The following SARDH variants were observed in gnomAD, a reference collection of about 807,000 sequenced individuals.
SARDH encodes sarcosine dehydrogenase.
A neutral mutation model predicts 109.1 loss-of-function variants in SARDH; 95 were observed. The observed-to-expected ratio is 0.87, with a 90% CI of 0.74 to 1.03. The LOEUF is 1.03. SARDH is among the 50% of genes least tolerant of loss of function. The pLI, the probability that SARDH is intolerant of heterozygous loss-of-function variation, is 0.00. For missense variants in SARDH, 1,267 were observed against 1,287.8 expected, an observed-to-expected ratio of 0.98 and a Z score of 0.25; for synonymous variants, 572 against 534.8, an observed-to-expected ratio of 1.07 and a Z score of -0.96.
downstream of SARDH, among the ~76,000 whole-genome samples, chr9:133,662,327 T>C (rs1829911757): frequency 6.6e-6 from 1 of 152,040 alleles, no homozygotes; most frequent in African/African-American, 2.4e-5. This position sits in a 1 kb window ranked among gnomAD's most constrained non-coding sequence, Gnocchi z 5.1. Context: ...GGCCGTGAGA[T>C]GAATGTGGTC....
At chr9:133,710,176 T>C (rs1326175800) in intron 10 of SARDH, among the ~76,000 whole-genome samples, 1 of 152,200 alleles carries the variant, frequency 6.6e-6, no homozygotes, top group East Asian at 1.9e-4. Context: ...TGTTGGGTAC[T>C]GGGCCAAGCG....
In SARDH at chr9:133,733,823, A is replaced by G. The variant is rs775064611; in HGVS notation, c.331+20T>C. ...CTATGTCCTATCCTTCCCTGCCCCT[A>G]CCTGGCCCCCGGTCCCTACCTGCCG... On this transcript the variant is annotated intron_variant, in intron 2 of 20. Coordinates refer to ENST00000439388, the MANE Select transcript of SARDH (RefSeq NM_001134707.2). 1 of 1,447,300 alleles carries G rather than the reference A, an allele frequency of 6.9e-7. No homozygotes were observed. The highest frequency in any genetic ancestry group is 9.1e-7 in the Non-Finnish European group (1 of 1,097,184). 89.7% of individuals were successfully genotyped at this position (1,447,300 alleles called of 1,614,324 possible). A position where few individuals can be genotyped will look rare whatever the true frequency, so the allele number is the denominator to read the frequency against.
At chr9:133,675,381 T>A (rs746133373) in intron 17 of SARDH, among the ~76,000 whole-genome samples, 16 of 150,112 alleles carry the variant, frequency 1.1e-4, no homozygotes, top group Non-Finnish European at 1.9e-4. Flanking sequence ...GGGACTTGAA[T>A]CGACAATTCT....
chr9:133,694,226 C>A, intron 15 of SARDH, 32 bp downstream of exon 15: 1 of 1,478,268 alleles, frequency 6.8e-7, no homozygotes, highest in South Asian at 1.2e-5. Flanking sequence ...AGGCCGCAGT[C>A]ACAGCGCCGT....
intron 14 of SARDH, among the ~76,000 whole-genome samples, chr9:133,695,903 G>C (rs1831268881): frequency 1.3e-5 from 2 of 152,192 alleles, no homozygotes; most frequent in African/African-American, 4.8e-5. Context: ...TGAGAGCATG[G>C]GGGGGACTGG....
rs1005860945 is a variant in SARDH at position 133,692,944 on chromosome 9, C to A, written c.1921+1314G>T. On this transcript the variant is annotated intron_variant, in intron 15 of 20. Transcript: ENST00000439388. The surrounding 1 kb of genome is among the most constrained non-coding windows in gnomAD (Gnocchi z 5.0). ...CAGCCTCATCTCCGCCACCAGCCTC[C>A]AGACCGCAGGGCTCACCTCACTACT... Among the ~76,000 whole-genome samples the A allele has an allele frequency of 6.6e-6, 1 of 152,142 alleles. No homozygotes were observed. Among genetic ancestry groups the A allele is most frequent in the Admixed American group, 6.5e-5 (1 of 15,282 alleles).
intron 17 of SARDH, among the ~76,000 whole-genome samples, chr9:133,677,902 G>A (rs1830572678): frequency 6.6e-6 from 1 of 152,250 alleles, no homozygotes; most frequent in South Asian, 2.1e-4. Context: ...TCTGTGGAAT[G>A]AGATCATGTG....
chr9:133,668,412 C>A (rs1441935204), intron 19 of SARDH, among the ~76,000 whole-genome samples: 1 of 63,096 alleles, frequency 1.6e-5, no homozygotes, highest in Non-Finnish European at 3.3e-5. Flanking sequence ...TTCACCCTCC[C>A]TCTCCCTCTC....
At chr9:133,710,053 GC>G (rs1831856831) in intron 10 of SARDH, among the ~76,000 whole-genome samples, 1 of 152,176 alleles carries the variant, frequency 6.6e-6, no homozygotes, top group Non-Finnish European at 1.5e-5. Flanking sequence ...GAGGGACCAG[GC>G]CGGCCCAGAC....
chr9:133,694,306 G>A lies in SARDH; in HGVS notation c.1873C>T (p.Arg625Cys), dbSNP rs763717951. The change falls in exon 15 of 21, where the codon CGC becomes TGC. Residue 625 changes from arginine to cysteine, a missense_variant. Transcript: ENST00000439388. Reference sequence around the variant, plus strand: ...GAGGCCTGGTGGCTGGGTGCCAGGCGGCTGACAGTCAGGTCACTCTCGGTG... The same window carrying A: ...GAGGCCTGGTGGCTGGGTGCCAGGCAGCTGACAGTCAGGTCACTCTCGGTG... ...GGTESDLTVS[R>C]LAPSHQASPL... 20 of 1,550,532 alleles carry A rather than the reference G, an allele frequency of 1.3e-5. 1 individual carries two copies. The highest frequency in any genetic ancestry group is 1.7e-4 in the Middle Eastern group (1 of 6,012).
Position 133,730,138 on chromosome 9 carries a change from A to G in SARDH, c.740T>C (p.Phe247Ser), listed in dbSNP as rs753160140. The G allele has an allele frequency of 6.2e-7, 1 of 1,614,162 alleles. No homozygotes were observed. The highest frequency in any genetic ancestry group is 8.5e-7 in the Non-Finnish European group (1 of 1,180,030). Residue 247 changes from phenylalanine (F) to serine (S), a missense_variant, in exon 5 of 21, where the codon TTT (phenylalanine) becomes TCT (serine). Phe to Ser is a radical substitution (Grantham distance 155). Transcript: ENST00000439388. ...VTGIRVWTDD[F>S]GVRRVAGVET... ...CACACCCGCGACCCGCCGCACCCCA[A>G]AATCATCCGTCCACACACGAATGCC...
chr9:133,682,320 G>C (rs1564246075), intron 17 of SARDH, among the ~76,000 whole-genome samples: 1 of 152,208 alleles, frequency 6.6e-6, no homozygotes, highest in East Asian at 1.9e-4. Flanking sequence ...TGTACAGACT[G>C]CATGGGATGC....
At chr9:133,721,830 G>A (rs1056247090) in intron 6 of SARDH, among the ~76,000 whole-genome samples, 1 of 152,136 alleles carries the variant, frequency 6.6e-6, no homozygotes, top group African/African-American at 2.4e-5. Flanking sequence ...ATACACCATG[G>A]CCAGACTGGA....
intron 13 of SARDH, among the ~76,000 whole-genome samples, chr9:133,698,011 AAAAAAAAAAAG>A (rs1490992321): frequency 7.3e-6 from 1 of 136,596 alleles, no homozygotes; most frequent in Non-Finnish European, 1.6e-5. Flanking sequence ...GAATCCACTA[AAAAAAAAAAAG>A]AAAAAAAAGA....
At chr9:133,681,491 G>A (rs1830693329) in intron 17 of SARDH, among the ~76,000 whole-genome samples, 1 of 152,224 alleles carries the variant, frequency 6.6e-6, no homozygotes, top group South Asian at 2.1e-4. Flanking sequence ...AGGCTGGGCT[G>A]TGGCTGCAGG....
At position 133,666,782 on chromosome 9, in the gene SARDH, C is replaced by T. The variant is rs369369714; in HGVS notation, c.2584G>A (p.Asp862Asn). The T allele has an allele frequency of 1.6e-4, 254 of 1,603,030 alleles. No individual in the cohort carries two copies. The highest frequency in any genetic ancestry group is 9.7e-4 in the East Asian group (43 of 44,414). ...ATGTAACCGTAGGCGATGGTCTTGTCGATGGCGAACCCAAAGTCAGCCCTC... is the reference window on the plus strand; with the variant it reads ...ATGTAACCGTAGGCGATGGTCTTGTTGATGGCGAACCCAAAGTCAGCCCTC... ...VRRADFGFAI[D>N]KTIAYGYIHD... Residue 862 changes from aspartate (D) to asparagine (N), a missense_variant, in exon 20 of 21, where the codon GAC (aspartate) becomes AAC (asparagine). Coordinates refer to ENST00000439388, the MANE Select transcript of SARDH (RefSeq NM_001134707.2). The surrounding 1 kb of genome is among the most constrained non-coding windows in gnomAD (Gnocchi z 5.2).
chr9:133,676,629 A>G (rs956125202), intron 17 of SARDH, among the ~76,000 whole-genome samples: 1 of 152,074 alleles, frequency 6.6e-6, no homozygotes, highest in Admixed American at 6.5e-5. Context: ...GAATTCGGGG[A>G]ATGTGAGGGA....
At chr9:133,684,651 C>T (rs992014383) in intron 17 of SARDH, among the ~76,000 whole-genome samples, 3 of 152,184 alleles carry the variant, frequency 2.0e-5, no homozygotes, top group South Asian at 2.1e-4. Context: ...TCAGAAGGGA[C>T]GGGCTCTGGC....
intron 17 of SARDH, among the ~76,000 whole-genome samples, chr9:133,674,850 G>A (rs1830463058): frequency 6.6e-6 from 1 of 152,168 alleles, no homozygotes; most frequent in Non-Finnish European, 1.5e-5. Context: ...AAAAGCACAG[G>A]TCACAAAAGC....
Sources: allele counts gnomAD v4.1 joint callset (sites outside exome capture counted in the v4.1 genomes callset), GRCh38; gene constraint gnomAD v4.1.1; non-coding constraint Gnocchi (gnomAD v3.1); transcripts MANE v1.5; gene names NCBI Gene and HGNC (gene_info 2026-07-23, HGNC 2026-07-21).